Variants in CADM2 observed in about 807,000 individuals in gnomAD.
CADM2 encodes the protein cell adhesion molecule 2.
In CADM2, 12 loss-of-function variants were observed where a neutral mutation model predicts 49.8. The observed-to-expected ratio is 0.24, with a 90% CI of 0.15 to 0.39. The LOEUF is 0.39. Among genes scored for constraint, CADM2 ranks in the 10% least tolerant of loss-of-function variants. The pLI, the probability that CADM2 is intolerant of heterozygous loss-of-function variation, is 1.00. For missense variants in CADM2, 378 were observed against 492.3 expected (o/e 0.77, Z 2.20); for synonymous variants, 214 against 175.4 (o/e 1.22, Z -1.74).
chr3:84,965,680 A>G (rs1046482059), intron 1 of CADM2, among the ~76,000 whole-genome samples: 4 of 152,164 alleles, frequency 2.6e-5, no homozygotes, highest in Admixed American at 6.5e-5. Context: ...GTTGGACTTA[A>G]TAACTGTTGG....
At chr3:85,171,181 G>A (rs1408401859) in intron 1 of CADM2, among the ~76,000 whole-genome samples, 2 of 152,058 alleles carry the variant, frequency 1.3e-5, no homozygotes, top group South Asian at 2.1e-4. Flanking sequence ...TTATGTCATC[G>A]TGTATGGTAT....
intron 1 of CADM2, among the ~76,000 whole-genome samples, chr3:85,509,863 A>G (rs1378500350): frequency 6.6e-6 from 1 of 152,054 alleles, no homozygotes; most frequent in African/African-American, 2.4e-5. Context: ...GCACTCCAAT[A>G]AATATATATA....
chr3:85,360,781 G>GACTTCA, intron 1 of CADM2, among the ~76,000 whole-genome samples: 1 of 152,250 alleles, frequency 6.6e-6, no homozygotes, highest in South Asian at 2.1e-4. Flanking sequence ...CATCACAAGA[G>GACTTCA]TGTTGTTACA....
intron 1 of CADM2, among the ~76,000 whole-genome samples, chr3:85,319,849 A>G (rs2044557042): frequency 6.6e-6 from 1 of 152,156 alleles, no homozygotes; most frequent in Non-Finnish European, 1.5e-5. Context: ...GCATCAGGAA[A>G]TAATCTGTAC....
chr3:85,378,662 G>C (rs1392557758), intron 1 of CADM2, among the ~76,000 whole-genome samples: 1 of 151,946 alleles, frequency 6.6e-6, no homozygotes, highest in Non-Finnish European at 1.5e-5. Context: ...CTGAGTATGA[G>C]AGGGAAGTTC....
At chr3:85,845,345 A>C (rs927393322) in intron 3 of CADM2, among the ~76,000 whole-genome samples, 1 of 152,120 alleles carries the variant, frequency 6.6e-6, no homozygotes, top group African/African-American at 2.4e-5. Flanking sequence ...GTCAGGAGTC[A>C]GATGACCAAC....
At chr3:86,035,530 A>T (rs1424308801) in intron 8 of CADM2, among the ~76,000 whole-genome samples, 3 of 152,102 alleles carry the variant, frequency 2.0e-5, no homozygotes, top group Non-Finnish European at 4.4e-5. Flanking sequence ...AAGAACGCAT[A>T]TATAGTATAC....
At chr3:85,084,750 T>C (rs1474081104) in intron 1 of CADM2, among the ~76,000 whole-genome samples, 1 of 152,162 alleles carries the variant, frequency 6.6e-6, no homozygotes, top group Non-Finnish European at 1.5e-5. Flanking sequence ...ATTGCTTAAA[T>C]TCTATTTTCT....
intron 1 of CADM2, among the ~76,000 whole-genome samples, chr3:85,204,623 A>T (rs2041587531): frequency 6.6e-6 from 1 of 152,176 alleles, no homozygotes; most frequent in Non-Finnish European, 1.5e-5. Context: ...CATTAAAAAA[A>T]TTTCCATCTA....
intron 1 of CADM2, among the ~76,000 whole-genome samples, chr3:85,292,000 G>C (rs1439216452): frequency 7.9e-5 from 12 of 152,010 alleles, no homozygotes; most frequent in Non-Finnish European, 1.6e-4. Flanking sequence ...TGGCAAATTG[G>C]ATAAACAGTC....
Position 85,051,538 on chromosome 3 carries a change from C to T in CADM2, c.61+91870C>T, listed in dbSNP as rs757473795. ...GATCCCATTGTAGGGACGGGGGGAG[C>T]TGTGTTACTGATGATTTGGCAGCAT... On this transcript the variant is annotated intron_variant, in intron 1 of 9. Coordinates refer to ENST00000383699, the MANE Select transcript of CADM2 (RefSeq NM_001167675.2). Among the ~76,000 whole-genome samples, 9 of 152,198 alleles carry T rather than the reference C, an allele frequency of 5.9e-5. No homozygotes were observed. The South Asian group carries it at 1.9e-3, about 32-fold the overall frequency.
chr3:85,103,713 G>C (rs1017103873), intron 1 of CADM2, among the ~76,000 whole-genome samples: 1 of 152,122 alleles, frequency 6.6e-6, no homozygotes. Flanking sequence ...TCTGGCAAGG[G>C]GGGAGGCATC....
At chr3:85,465,203 C>T (rs1374361884) in intron 1 of CADM2, among the ~76,000 whole-genome samples, 2 of 152,056 alleles carry the variant, frequency 1.3e-5, no homozygotes, top group East Asian at 3.9e-4. Context: ...AAAAAACATA[C>T]TTTTGTGTGC....
At chr3:85,002,530 G>A (rs190412878) in intron 1 of CADM2, among the ~76,000 whole-genome samples, 1 of 152,236 alleles carries the variant, frequency 6.6e-6, no homozygotes, top group East Asian at 1.9e-4. Context: ...CAAATTCTCA[G>A]ATGTCTTTCA....
intron 1 of CADM2, among the ~76,000 whole-genome samples, chr3:85,070,992 A>AAATT (rs1262607894): frequency 6.8e-6 from 1 of 147,694 alleles, no homozygotes; most frequent in Non-Finnish European, 1.5e-5. Flanking sequence ...CTGTCTCAAT[A>AAATT]AATAAATAAA....
At chr3:85,448,628 T>C (rs1383196577) in intron 1 of CADM2, among the ~76,000 whole-genome samples, 2 of 152,128 alleles carry the variant, frequency 1.3e-5, no homozygotes, top group East Asian at 1.9e-4. Context: ...TGTGAACATA[T>C]GGTGCAACAT....
At chr3:85,044,054 T>A (rs2035552891) in intron 1 of CADM2, among the ~76,000 whole-genome samples, 1 of 152,118 alleles carries the variant, frequency 6.6e-6, no homozygotes, top group Admixed American at 6.6e-5. Context: ...TCCTTCAGAA[T>A]CCTTGTGACC....
chr3:85,761,718 G>A (rs1028048177), intron 2 of CADM2, among the ~76,000 whole-genome samples: 1 of 152,074 alleles, frequency 6.6e-6, no homozygotes, highest in Non-Finnish European at 1.5e-5. Flanking sequence ...CTAGTAATAG[G>A]ATAAGGATTT....
At chr3:85,547,722 T>C (rs1295692339) in intron 1 of CADM2, among the ~76,000 whole-genome samples, 5 of 152,166 alleles carry the variant, frequency 3.3e-5, no homozygotes, top group Admixed American at 3.3e-4. Context: ...GAATCTCCAC[T>C]TTAGTCAACA....
Sources: allele counts gnomAD v4.1 joint callset (sites outside exome capture counted in the v4.1 genomes callset), GRCh38; gene constraint gnomAD v4.1.1; transcripts MANE v1.5; gene names NCBI Gene and HGNC (gene_info 2026-07-23, HGNC 2026-07-21).